Variants in AFF1 observed in about 807,000 individuals in gnomAD.
The protein encoded by AFF1 is AF4/FMR2 family member 1.
In AFF1, 48 loss-of-function variants were observed where a neutral mutation model predicts 121.7. That is an observed-to-expected ratio of 0.39 (90% CI 0.31 to 0.50). AFF1 has a LOEUF of 0.50. AFF1 is among the 20% of genes least tolerant of loss of function. AFF1 has a pLI of 0.76. For missense variants in AFF1, 1,523 were observed against 1,511.7 expected (o/e 1.01, Z -0.12); for synonymous variants, 613 against 563.0 (o/e 1.09, Z -1.26).
intron 1 of AFF1, 142 bp from the exon 2 acceptor site, chr4:86,948,356 C>A: frequency 1.8e-6 from 1 of 555,964 alleles, no homozygotes; most frequent in Non-Finnish European, 3.1e-6. Flanking sequence ...TTTGTTCATA[C>A]AACTTGGGAA....
intron 18 of AFF1, 137 bp from the exon 19 acceptor site, chr4:87,132,132 CAG>C: frequency 1.0e-6 from 1 of 974,304 alleles, no homozygotes; most frequent in Non-Finnish European, 1.5e-6. Context: ...ATAGTATGAA[CAG>C]AGCAGTAAGA....
chr4:86,948,607 TATTTA>T (rs762671830), intron 2 of AFF1, 36 bp downstream of exon 2: 52 of 1,519,480 alleles, frequency 3.4e-5, no homozygotes, highest in Non-Finnish European at 4.4e-5. Flanking sequence ...GACATGCTGA[TATTTA>T]ATTTTATAAT....
intron 2 of AFF1, among the ~76,000 whole-genome samples, chr4:87,039,621 A>G (rs1441241539): frequency 2.0e-5 from 3 of 152,172 alleles, no homozygotes; most frequent in Non-Finnish European, 4.4e-5. Flanking sequence ...CCCCATTTCT[A>G]GTTCACTTAA....
chr4:87,081,152 ATTT>A (rs549510832), intron 4 of AFF1, among the ~76,000 whole-genome samples: 1,016 of 89,610 alleles, frequency 0.011, 7 homozygotes, highest in African/African-American at 0.042. Context: ...AATGAAATGA[ATTT>A]TTTTTTTTTT....
intron 4 of AFF1, among the ~76,000 whole-genome samples, chr4:87,080,648 A>G (rs1723071186): frequency 6.6e-6 from 1 of 152,216 alleles, no homozygotes; most frequent in Non-Finnish European, 1.5e-5. Context: ...CACCATAGCA[A>G]GACCCCATCT....
rs375564742 is a variant in AFF1, at chr4:87,093,551, T to C, written c.1229-1364T>C. Reference sequence around the variant, plus strand: ...TTTACTTGGATGCCCTAGTGTTATATGTCCACAATTGCAAAACCCAGACCC... The same window carrying C: ...TTTACTTGGATGCCCTAGTGTTATACGTCCACAATTGCAAAACCCAGACCC... On this transcript the variant is annotated intron_variant, in intron 7 of 20. Transcript: ENST00000395146. 2.3e-4 allele frequency among the ~76,000 whole-genome samples: 35 copies of C among 152,284 alleles called. 1 individual carries two copies. In the South Asian group the frequency reaches 7.1e-3, roughly 31 times the overall value.
At chr4:86,967,661 A>C (rs1722628131) in intron 2 of AFF1, among the ~76,000 whole-genome samples, 1 of 151,638 alleles carries the variant, frequency 6.6e-6, no homozygotes, top group East Asian at 1.9e-4. Flanking sequence ...TTTTGTAAAC[A>C]ATGAGAAAAG....
At chr4:86,991,749 C>G (rs1457700014) in intron 2 of AFF1, among the ~76,000 whole-genome samples, 1 of 150,032 alleles carries the variant, frequency 6.7e-6, no homozygotes, top group Non-Finnish European at 1.5e-5. Flanking sequence ...ACCACAGAGA[C>G]TTTAGTGTTG....
chr4:86,989,522 A>G (rs925856200), intron 2 of AFF1, among the ~76,000 whole-genome samples: 1 of 152,216 alleles, frequency 6.6e-6, no homozygotes, highest in African/African-American at 2.4e-5. Context: ...AAAAGTCAGG[A>G]AACAACATGC....
intron 4 of AFF1, among the ~76,000 whole-genome samples, chr4:87,057,053 A>G (rs1005614549): frequency 2.6e-5 from 4 of 152,188 alleles, no homozygotes; most frequent in Non-Finnish European, 5.9e-5. Context: ...CAACACCTAC[A>G]TTATATTGCC....
In AFF1 at chr4:87,115,008, C is replaced by T; in HGVS notation, c.2175C>T (p.Gly725=). ...AGGGCCCACCCCACAGTGGCAGCGG[C>T]AGCAGGACTAGTGGCTGCCGCCAAG... ...ESQGPPHSGS[G]SRTSGCRQAV... is the part of the protein sequence containing the mutation. The change falls in exon 12 of 21, where the codon GGC becomes GGT. Residue 725 remains glycine (G), a synonymous_variant. Coordinates refer to ENST00000395146, the MANE Select transcript of AFF1 (RefSeq NM_001166693.3). The T allele has an allele frequency of 6.2e-7, 1 of 1,613,708 alleles. No homozygotes were observed. The highest frequency in any genetic ancestry group is 1.1e-5 in the South Asian group (1 of 91,064).
intron 7 of AFF1, among the ~76,000 whole-genome samples, chr4:87,093,104 T>C (rs1203124269): frequency 1.3e-5 from 2 of 152,200 alleles, no homozygotes; most frequent in African/African-American, 4.8e-5. Context: ...TAGCAAAATA[T>C]AGTTGAAGAT....
At chr4:87,125,004 T>A (rs932476364) in intron 12 of AFF1, 33 bp from the exon 13 acceptor site, 37 of 1,502,734 alleles carry the variant, frequency 2.5e-5, no homozygotes, top group Non-Finnish European at 3.3e-5. Context: ...ATTATGTTGG[T>A]AATAATTTGC....
chr4:87,013,905 G>A (rs1483150676), intron 2 of AFF1, among the ~76,000 whole-genome samples: 3 of 151,998 alleles, frequency 2.0e-5, no homozygotes, highest in African/African-American at 7.3e-5. Flanking sequence ...AGGGGCGCAG[G>A]TACCATGCTT....
At chr4:87,006,897 C>T (rs549085895) in intron 2 of AFF1, 3 of 954,222 alleles carry the variant, frequency 3.1e-6, no homozygotes, top group Non-Finnish European at 2.5e-6. Context: ...CCGCCGAGCG[C>T]CCTGCCCATT....
At chr4:87,020,188 C>A (rs1381417012) in intron 2 of AFF1, among the ~76,000 whole-genome samples, 8 of 152,220 alleles carry the variant, frequency 5.3e-5, no homozygotes, top group Non-Finnish European at 1.0e-4. Context: ...CTTCAAAGAT[C>A]TGCATTCATT....
intron 2 of AFF1, among the ~76,000 whole-genome samples, chr4:86,984,331 C>CT (rs1350597456): frequency 0.016 from 2,040 of 126,156 alleles, 20 homozygotes; most frequent in South Asian, 0.045. Context: ...ATTTTTTTTT[C>CT]TTTTTTTTTT....
intron 8 of AFF1, among the ~76,000 whole-genome samples, chr4:87,100,447 C>T (rs141971741): frequency 6.6e-6 from 1 of 152,144 alleles, no homozygotes; most frequent in East Asian, 1.9e-4. Context: ...GCATTGTGCT[C>T]TCTCCCTCCT....
At chr4:86,994,618 C>T (rs1236443411) in intron 2 of AFF1, among the ~76,000 whole-genome samples, 1 of 152,142 alleles carries the variant, frequency 6.6e-6, no homozygotes, top group Admixed American at 6.6e-5. Context: ...GCAAACACTC[C>T]CCTTGATCCA....
Sources: gnomAD v4.1 joint callset for allele counts (sites outside exome capture counted in the v4.1 genomes callset) on GRCh38, gnomAD v4.1.1 for gene constraint, MANE v1.5 for transcripts, NCBI Gene and HGNC (gene_info 2026-07-23, HGNC 2026-07-21) for gene names.